Variants in GANC observed in about 807,000 individuals in gnomAD.
GANC encodes the protein neutral alpha-glucosidase C.
GANC carries 117 observed loss-of-function variants against 124.2 expected under a neutral mutation model. The observed-to-expected ratio is 0.94, with a 90% CI of 0.81 to 1.10. The LOEUF (loss-of-function observed/expected upper bound fraction) is 1.10. Ranked by LOEUF, GANC falls within the 50% of genes least tolerant of loss-of-function variation. The pLI, the probability that GANC is intolerant of heterozygous loss-of-function variation, is 0.00. For synonymous variants in GANC, 377 were observed against 376.8 expected, an observed-to-expected ratio of 1.00 and a Z score of -0.01; for missense variants, 1,140 against 1,095.0, an observed-to-expected ratio of 1.04 and a Z score of -0.58.
chr15:42,346,197 G>C (rs2052361658), intron 20 of GANC, among the ~76,000 whole-genome samples: 2 of 152,128 alleles, frequency 1.3e-5, no homozygotes, highest in Admixed American at 1.3e-4. Flanking sequence ...AATATCTCAG[G>C]CTTGGGGATT....
intron 5 of GANC, among the ~76,000 whole-genome samples, chr15:42,294,891 T>G (rs979903800): frequency 2.0e-5 from 3 of 151,378 alleles, no homozygotes; most frequent in African/African-American, 7.4e-5. Flanking sequence ...TGAATATGTG[T>G]CATTGTGCAT....
At chr15:42,322,567 A>T (rs971860823) in intron 11 of GANC, among the ~76,000 whole-genome samples, 2 of 152,102 alleles carry the variant, frequency 1.3e-5, no homozygotes, top group African/African-American at 2.4e-5. Context: ...AGGAGGGGGC[A>T]CTAGAGCTTT....
intron 10 of GANC, chr15:42,314,230 G>A: frequency 5.5e-6 from 4 of 729,268 alleles, no homozygotes; most frequent in Non-Finnish European, 7.5e-6. Context: ...TAAAGCACCT[G>A]AAGCACGTAG....
chr15:42,311,279 T>C (rs1230244300), intron 10 of GANC, among the ~76,000 whole-genome samples: 4 of 152,102 alleles, frequency 2.6e-5, no homozygotes, highest in Non-Finnish European at 5.9e-5. Context: ...TATTCAACAT[T>C]GTACTGGAAT....
chr15:42,320,876 C>T (rs567868587), intron 10 of GANC, among the ~76,000 whole-genome samples: 1 of 152,300 alleles, frequency 6.6e-6, no homozygotes, highest in South Asian at 2.1e-4. Context: ...CTCAATACCA[C>T]TCTGGGGAGA....
chr15:42,336,214 A>T (rs986748158), intron 15 of GANC, among the ~76,000 whole-genome samples: 1 of 152,186 alleles, frequency 6.6e-6, no homozygotes, highest in Non-Finnish European at 1.5e-5. Context: ...AGGAGGCAAT[A>T]TGCTACCCAA....
chr15:42,319,344 C>G (rs2052136099), intron 10 of GANC, among the ~76,000 whole-genome samples: 1 of 151,600 alleles, frequency 6.6e-6, no homozygotes, highest in South Asian at 2.1e-4. Context: ...TGATGAGCCT[C>G]TTTTTTGTTT....
chr15:42,315,593 A>C (rs535115131), intron 10 of GANC, among the ~76,000 whole-genome samples: 3 of 152,360 alleles, frequency 2.0e-5, no homozygotes, highest in Middle Eastern at 6.8e-3. Context: ...CAAAAAGTTA[A>C]ACATAGAATT....
rs2051623540 is a variant in GANC, at chr15:42,274,088, A to T, written c.-394A>T. The stretch of plus-strand genomic sequence containing the variant: ...TGGCGTGACCCCGCCACTGAGATAG[A>T]TCTGCAGATGCTTCGTCCCAGTCAG... On this transcript the variant is annotated 5_prime_UTR_variant, in exon 1 of 24. Transcript: ENST00000318010. The T allele has an allele frequency of 3.9e-6, 1 of 256,546 alleles. No homozygotes were observed. Among genetic ancestry groups the T allele is most frequent in the Non-Finnish European group, 7.6e-6 (1 of 132,182 alleles). 15.9% of individuals were successfully genotyped at this position (256,546 alleles called of 1,614,324 possible). A position where few individuals can be genotyped will look rare whatever the true frequency, so the allele number is the denominator to read the frequency against.
intron 5 of GANC, among the ~76,000 whole-genome samples, chr15:42,295,636 A>T (rs2051883378): frequency 9.5e-6 from 1 of 105,720 alleles, no homozygotes; most frequent in African/African-American, 3.3e-5. Context: ...AAGCTTTATT[A>T]TAGACACACA....
At chr15:42,324,861 C>T (rs555774482) in intron 11 of GANC, among the ~76,000 whole-genome samples, 1 of 152,182 alleles carries the variant, frequency 6.6e-6, no homozygotes, top group African/African-American at 2.4e-5. Context: ...TGAGAGAGTT[C>T]TGGAGATTGA....
chr15:42,281,230 G>C (rs2051730500), intron 3 of GANC: 1 of 641,372 alleles, frequency 1.6e-6, no homozygotes, highest in African/African-American at 1.8e-5. Flanking sequence ...CTGAAATTCT[G>C]CACTGAACTC....
In GANC at chr15:42,310,951, A is replaced by T. The variant is rs534368400; in HGVS notation, c.1057+105A>T. The stretch of plus-strand genomic sequence containing the variant: ...TGTTGTATACTATGTAGAGTTTATA[A>T]CTTACCCAAGCATTTTAATTAGCAA... On this transcript the variant is annotated intron_variant, in intron 10 of 23. Transcript: ENST00000318010. The T allele has an allele frequency of 6.3e-6, 8 of 1,266,640 alleles. No homozygotes were observed. The East Asian group carries it at 1.6e-4, about 26-fold the overall frequency. The allele number at this position is 1,266,640 out of a possible 1,614,324, so 78.5% of individuals were successfully genotyped here.
intron 1 of GANC, among the ~76,000 whole-genome samples, chr15:42,275,224 G>A (rs750638195): frequency 1.1e-4 from 16 of 152,014 alleles, no homozygotes; most frequent in Non-Finnish European, 1.8e-4. Context: ...AAATTTTAAA[G>A]TTAGCCAGAC....
In GANC at chr15:42,339,844, C is replaced by G. The variant is rs766460387; in HGVS notation, c.2019C>G (p.Arg673=). Reference sequence around the variant, plus strand: ...TCATCCGAGAAGCCATCAGAGAGCGCTATGGCCTCCTGCCATATTGGTATT... The same window carrying G: ...TCATCCGAGAAGCCATCAGAGAGCGGTATGGCCTCCTGCCATATTGGTATT... ...TRLIREAIRE[R]YGLLPYWYSL... The change falls in exon 17 of 24, where the codon CGC becomes CGG. Residue 673 remains arginine, a synonymous_variant. Transcript: ENST00000318010. 1 of 1,614,104 alleles carries G rather than the reference C, an allele frequency of 6.2e-7. No homozygotes were observed. The highest frequency in any genetic ancestry group is 8.5e-7 in the Non-Finnish European group (1 of 1,179,976).
At chr15:42,303,526 G>A (rs756025994) in intron 6 of GANC, among the ~76,000 whole-genome samples, 1 of 151,828 alleles carries the variant, frequency 6.6e-6, no homozygotes, top group African/African-American at 2.4e-5. Flanking sequence ...AAATGTAAAC[G>A]GGCTAAATAT....
intron 3 of GANC, chr15:42,281,020 C>T: frequency 4.3e-6 from 3 of 702,530 alleles, no homozygotes; most frequent in Non-Finnish European, 7.8e-6. Flanking sequence ...CAGCACCTGG[C>T]TCAAAAGGAA....
intron 5 of GANC, among the ~76,000 whole-genome samples, chr15:42,295,839 G>C (rs561468763): frequency 2.0e-5 from 3 of 152,188 alleles, no homozygotes; most frequent in African/African-American, 7.2e-5. Flanking sequence ...ACTCATACAC[G>C]CATTAAAGAT....
chr15:42,293,543 G>T (rs2051863723), intron 5 of GANC, among the ~76,000 whole-genome samples: 1 of 146,906 alleles, frequency 6.8e-6, no homozygotes, highest in African/African-American at 2.7e-5. Context: ...TTAAAATTTT[G>T]ATACTAAAAA....
Sources: allele counts gnomAD v4.1 joint callset (sites outside exome capture counted in the v4.1 genomes callset), GRCh38; gene constraint gnomAD v4.1.1; transcripts MANE v1.5; gene names NCBI Gene and HGNC (gene_info 2026-07-23, HGNC 2026-07-21).